Variants in TMPRSS12 observed in about 807,000 individuals in gnomAD.
The protein encoded by TMPRSS12 is transmembrane serine protease 12, also known as transmembrane protease serine 12.
Under a neutral mutation model 26.0 loss-of-function variants are expected in TMPRSS12, and 25 were observed. The ratio of observed to expected loss-of-function variants is 0.96; its 90% confidence interval spans 0.70 to 1.34. TMPRSS12 has a LOEUF of 1.34. TMPRSS12 is among the 40% of genes most tolerant of loss of function. TMPRSS12 has a pLI of 0.00. For missense variants in TMPRSS12, 441 were observed against 440.1 expected, an observed-to-expected ratio of 1.00 and a Z score of -0.02; for synonymous variants, 150 against 161.7, an observed-to-expected ratio of 0.93 and a Z score of 0.55.
intron 4 of TMPRSS12, chr12:50,886,922 G>T (rs1938232973): frequency 4.8e-6 from 1 of 210,380 alleles, no homozygotes; most frequent in Non-Finnish European, 9.4e-6. Flanking sequence ...ATAATAGACA[G>T]TTTTGACAAT....
intron 3 of TMPRSS12, among the ~76,000 whole-genome samples, chr12:50,872,284 C>T (rs572938352): frequency 7.3e-5 from 11 of 151,330 alleles, no homozygotes; most frequent in East Asian, 1.9e-4. Flanking sequence ...GAGGCCGAGG[C>T]GGGTGGATCA....
At position 50,858,918 on chromosome 12, in the gene TMPRSS12, G is replaced by A. The variant is rs531200878; in HGVS notation, c.517G>A (p.Ala173Thr). The change falls in exon 3 of 5, where the codon GCA becomes ACA. Residue 173 changes from alanine to threonine, a missense_variant. By Grantham distance (58) the Ala-to-Thr change is moderately conservative (BLOSUM62 0). Coordinates refer to ENST00000398458, the MANE Select transcript of TMPRSS12 (RefSeq NM_182559.3). ...FILESYVNDI[A>T]LFHLKKAVRY... Reference sequence around the variant, plus strand: ...TTTGGAATCTTATGTAAATGATATTGCACTTTTTCACTTAAAAAAAGCAGT... The same window carrying A: ...TTTGGAATCTTATGTAAATGATATTACACTTTTTCACTTAAAAAAAGCAGT... 5 of 1,587,880 alleles carry A rather than the reference G, an allele frequency of 3.1e-6. No homozygotes were observed. The South Asian group carries it at 4.6e-5, about 15-fold the overall frequency.
At chr12:50,861,976 A>C (rs1033708277) in intron 3 of TMPRSS12, among the ~76,000 whole-genome samples, 15 of 151,962 alleles carry the variant, frequency 9.9e-5, no homozygotes, top group Non-Finnish European at 2.1e-4. Flanking sequence ...CACTCGGCTA[A>C]TTTTTTGTAT....
At chr12:50,876,832 A>G (rs1473682871) in intron 3 of TMPRSS12, among the ~76,000 whole-genome samples, 5 of 148,636 alleles carry the variant, frequency 3.4e-5, no homozygotes, top group African/African-American at 9.9e-5. Flanking sequence ...AAGACTGGAT[A>G]AAGAAAGTGT....
At chr12:50,867,138 C>T (rs1937998667) in intron 3 of TMPRSS12, among the ~76,000 whole-genome samples, 2 of 152,160 alleles carry the variant, frequency 1.3e-5, no homozygotes, top group Non-Finnish European at 2.9e-5. Context: ...GAAGAAATCC[C>T]TGATTTAACT....
chr12:50,869,518 A>C (rs1159287921), intron 3 of TMPRSS12, among the ~76,000 whole-genome samples: 3 of 152,204 alleles, frequency 2.0e-5, no homozygotes, highest in Admixed American at 2.0e-4. Flanking sequence ...AAAAATTACC[A>C]ACCATAAAAA....
At chr12:50,863,742 G>T (rs1320052457) in intron 3 of TMPRSS12, among the ~76,000 whole-genome samples, 1 of 152,140 alleles carries the variant, frequency 6.6e-6, no homozygotes, top group East Asian at 1.9e-4. Context: ...TAGATTAGTA[G>T]TTGCTAGGGT....
At chr12:50,870,617 G>GA (rs1938033452) in intron 3 of TMPRSS12, among the ~76,000 whole-genome samples, 1 of 151,902 alleles carries the variant, frequency 6.6e-6, no homozygotes, top group African/African-American at 2.4e-5. Flanking sequence ...TCAGACAAGA[G>GA]AAAAAAATAA....
intron 3 of TMPRSS12, among the ~76,000 whole-genome samples, chr12:50,872,710 T>C (rs1430180243): frequency 1.4e-4 from 17 of 117,948 alleles, no homozygotes; most frequent in East Asian, 8.3e-4. Flanking sequence ...CGTATATGTG[T>C]ACATATATAT....
chr12:50,847,081 C>T (rs1272994143), intron 2 of TMPRSS12, among the ~76,000 whole-genome samples: 24 of 96,218 alleles, frequency 2.5e-4, no homozygotes, highest in African/African-American at 8.2e-4. Context: ...TTTTTTGAGA[C>T]GGAGTCTCGC....
chr12:50,854,432 C>T (rs1340877470), intron 2 of TMPRSS12, among the ~76,000 whole-genome samples: 1 of 152,098 alleles, frequency 6.6e-6, no homozygotes, highest in African/African-American at 2.4e-5. Flanking sequence ...CACTCTTATT[C>T]AACATAGTAC....
chr12:50,870,882 C>T (rs866018388), intron 3 of TMPRSS12, among the ~76,000 whole-genome samples: 9 of 151,136 alleles, frequency 6.0e-5, no homozygotes, highest in Middle Eastern at 3.4e-3. Flanking sequence ...AGGAATATAC[C>T]TAACAAAGGA....
chr12:50,865,821 C>T (rs1016650713), intron 3 of TMPRSS12, among the ~76,000 whole-genome samples: 114 of 152,136 alleles, frequency 7.5e-4, no homozygotes, highest in African/African-American at 2.7e-3. Context: ...GACACCCTCT[C>T]CTGTTGCCGT....
At chr12:50,882,033 A>G (rs1438854709) in intron 3 of TMPRSS12, among the ~76,000 whole-genome samples, 1 of 115,498 alleles carries the variant, frequency 8.7e-6, no homozygotes, top group African/African-American at 3.2e-5. Context: ...ATATATATAT[A>G]TATATATATG....
intron 2 of TMPRSS12, among the ~76,000 whole-genome samples, chr12:50,856,145 C>G (rs1248110439): frequency 6.6e-6 from 1 of 152,148 alleles, no homozygotes; most frequent in Non-Finnish European, 1.5e-5. Context: ...CAAAACCCTG[C>G]CACACACAGT....
intron 2 of TMPRSS12, among the ~76,000 whole-genome samples, chr12:50,845,856 G>A (rs1173182562): frequency 6.6e-6 from 1 of 152,140 alleles, no homozygotes; most frequent in Non-Finnish European, 1.5e-5. Context: ...GTAGCTCATT[G>A]TGGCTTTTAT....
chr12:50,871,474 G>T (rs2139731214), intron 3 of TMPRSS12, among the ~76,000 whole-genome samples: 1 of 152,278 alleles, frequency 6.6e-6, no homozygotes, highest in East Asian at 1.9e-4. Context: ...TTAAATCTAA[G>T]ACCTGAAAGT....
intron 4 of TMPRSS12, 198 bp from the exon 5 acceptor site, chr12:50,887,064 A>G (rs1328993437): frequency 5.3e-6 from 3 of 567,210 alleles, no homozygotes; most frequent in African/African-American, 3.8e-5. Context: ...GGTTCCTCCA[A>G]ATACCTGGGT....
At chr12:50,857,044 A>C (rs940953918) in intron 2 of TMPRSS12, among the ~76,000 whole-genome samples, 16 of 152,154 alleles carry the variant, frequency 1.1e-4, no homozygotes, top group African/African-American at 3.6e-4. Context: ...AAAAATAAGA[A>C]TCATTTATTA....
Sources: allele counts gnomAD v4.1 joint callset (sites outside exome capture counted in the v4.1 genomes callset), GRCh38; gene constraint gnomAD v4.1.1; transcripts MANE v1.5; gene names NCBI Gene and HGNC (gene_info 2026-07-23, HGNC 2026-07-21).